PDE4D: variants seen among roughly 807,000 people sequenced by gnomAD.
PDE4D encodes the protein phosphodiesterase 4D, also known as 3',5'-cyclic-AMP phosphodiesterase 4D.
Under a neutral mutation model 87.4 loss-of-function variants are expected in PDE4D, and 24 were observed. The observed-to-expected ratio is 0.27, with a 90% CI of 0.20 to 0.39. The LOEUF (loss-of-function observed/expected upper bound fraction) is 0.39. Among genes scored for constraint, PDE4D ranks in the 10% least tolerant of loss-of-function variants. PDE4D has a pLI of 1.00. For missense variants in PDE4D, 714 were observed against 1,041.0 expected, an observed-to-expected ratio of 0.69 and a Z score of 4.32; for synonymous variants, 384 against 383.2, an observed-to-expected ratio of 1.00 and a Z score of -0.02.
intron 1 of PDE4D, among the ~76,000 whole-genome samples, chr5:60,230,591 A>G (rs974272875): frequency 2.6e-5 from 4 of 152,152 alleles, no homozygotes; most frequent in African/African-American, 7.2e-5. Context: ...TGAGGTTGAC[A>G]TAACACTTTT....
At chr5:60,335,169 G>A (rs753774589) in intron 1 of PDE4D, 1 of 152,228 alleles carries the variant, frequency 6.6e-6, no homozygotes, top group Non-Finnish European at 1.5e-5. Context: ...AGTTAAAGTG[G>A]GGAGGACAGA....
intron 1 of PDE4D, among the ~76,000 whole-genome samples, chr5:60,510,447 A>G (rs1750520660): frequency 6.6e-6 from 1 of 152,246 alleles, no homozygotes; most frequent in East Asian, 1.9e-4. Context: ...TAGGGAGACT[A>G]TAGATAAGAT....
At chr5:59,130,529 A>G (rs1487093274) in intron 5 of PDE4D, among the ~76,000 whole-genome samples, 1 of 152,252 alleles carries the variant, frequency 6.6e-6, no homozygotes, top group Non-Finnish European at 1.5e-5. Context: ...TAAAATAATA[A>G]TAGCATTTTA....
At chr5:59,041,940 A>T (rs1376191938) in intron 5 of PDE4D, among the ~76,000 whole-genome samples, 1 of 152,228 alleles carries the variant, frequency 6.6e-6, no homozygotes, top group Non-Finnish European at 1.5e-5. Context: ...CAGGAGGAAC[A>T]ATTTACTTCA....
intron 2 of PDE4D, among the ~76,000 whole-genome samples, chr5:60,152,134 G>A (rs1313048942): frequency 6.6e-6 from 1 of 152,088 alleles, no homozygotes; most frequent in Non-Finnish European, 1.5e-5. Flanking sequence ...AGTATTTTTA[G>A]TACGCTGTTG....
chr5:60,316,709 T>C (rs1755639490), intron 1 of PDE4D, among the ~76,000 whole-genome samples: 1 of 152,214 alleles, frequency 6.6e-6, no homozygotes, highest in Non-Finnish European at 1.5e-5. Flanking sequence ...GGCTGTTGAA[T>C]TTTGTCAAAG....
At chr5:59,025,716 A>C (rs909019789) in intron 6 of PDE4D, among the ~76,000 whole-genome samples, 1 of 152,272 alleles carries the variant, frequency 6.6e-6, no homozygotes. Flanking sequence ...TGTTTATACA[A>C]AAAGCAGCTT....
chr5:59,252,698 A>G lies in PDE4D; in HGVS notation c.456-36730T>C, dbSNP rs114067611. The stretch of plus-strand genomic sequence containing the variant: ...AACCACGCCTGGAGAATTTTTAAAA[A>G]TATTTTTTTGTAGAGACAGGGTCTT... On this transcript the variant is annotated intron_variant, in intron 1 of 14. Transcript: ENST00000340635. Among the ~76,000 whole-genome samples the G allele has an allele frequency of 1.7e-3, 264 of 151,956 alleles. 2 individuals carry two copies. The highest frequency in any genetic ancestry group is 5.9e-3 in the African/African-American group (244 of 41,436).
In PDE4D at chr5:59,363,429, C is replaced by T. The variant is rs1359212143; in HGVS notation, c.456-147461G>A. 1.3e-5 allele frequency among the ~76,000 whole-genome samples: 2 copies of T among 152,150 alleles called. 1 individual carries two copies. Among genetic ancestry groups the T allele is most frequent in the South Asian group, 4.2e-4 (2 of 4,818 alleles). ...CAGATCTGAGGTTAAAATTGAGGTCCCTCTTAATTGCAAAATGTATATCTT... is the reference window on the plus strand; with the variant it reads ...CAGATCTGAGGTTAAAATTGAGGTCTCTCTTAATTGCAAAATGTATATCTT... On this transcript the variant is annotated intron_variant, in intron 1 of 14. Coordinates refer to ENST00000340635, the MANE Select transcript of PDE4D (RefSeq NM_001104631.2).
At chr5:59,856,610 C>T (rs916136046) in intron 1 of PDE4D, among the ~76,000 whole-genome samples, 1 of 152,146 alleles carries the variant, frequency 6.6e-6, no homozygotes, top group African/African-American at 2.4e-5. Context: ...GAGACCTTTT[C>T]CTCTCATCAC....
At chr5:60,053,553 A>G (rs1403426777) in intron 2 of PDE4D, among the ~76,000 whole-genome samples, 1 of 152,210 alleles carries the variant, frequency 6.6e-6, no homozygotes, top group Non-Finnish European at 1.5e-5. Context: ...AGATGGATTA[A>G]AGACTTAAAC....
rs1453302859 is a variant in PDE4D at position 59,655,994 on chromosome 5, T to C, written c.455+237174A>G. ...CAGTCTCTACTGTCACCTTGCCTTTTTACTTCCCCCCTCCTCCTACACACA... is the reference window on the plus strand; with the variant it reads ...CAGTCTCTACTGTCACCTTGCCTTTCTACTTCCCCCCTCCTCCTACACACA... On this transcript the variant is annotated intron_variant, in intron 1 of 14. Coordinates refer to ENST00000340635, the MANE Select transcript of PDE4D (RefSeq NM_001104631.2). Among the ~76,000 whole-genome samples, 3 of 151,986 alleles carry C rather than the reference T, an allele frequency of 2.0e-5. No individual in the cohort carries two copies. The South Asian group carries it at 6.2e-4, about 32-fold the overall frequency.
chr5:60,410,052 C>T (rs1304531113), intron 1 of PDE4D, among the ~76,000 whole-genome samples: 1 of 152,180 alleles, frequency 6.6e-6, no homozygotes, highest in Non-Finnish European at 1.5e-5. Context: ...GGGAGTTAGG[C>T]AGAGGGAGGC....
At chr5:59,943,160 C>G (rs1757358788) in intron 3 of PDE4D, among the ~76,000 whole-genome samples, 1 of 151,640 alleles carries the variant, frequency 6.6e-6, no homozygotes. Flanking sequence ...GTTAAAGGTA[C>G]AGAAGAGAAA....
chr5:59,491,301 T>C (rs928280218), intron 1 of PDE4D, among the ~76,000 whole-genome samples: 4 of 152,212 alleles, frequency 2.6e-5, no homozygotes, highest in Non-Finnish European at 5.9e-5. Context: ...AGATACCATA[T>C]ATAAAGCAGA....
intron 1 of PDE4D, among the ~76,000 whole-genome samples, chr5:60,225,373 T>C (rs1187726018): frequency 6.6e-6 from 1 of 151,914 alleles, no homozygotes; most frequent in African/African-American, 2.4e-5. Flanking sequence ...TTTAGTCTAA[T>C]AAAATCTCCC....
At chr5:59,217,579 T>C (rs1751538797) in intron 1 of PDE4D, among the ~76,000 whole-genome samples, 1 of 152,172 alleles carries the variant, frequency 6.6e-6, no homozygotes, top group South Asian at 2.1e-4. Context: ...TTTATAGATA[T>C]ATTTATTTGG....
chr5:59,594,854 T>C (rs1487351549), intron 1 of PDE4D, among the ~76,000 whole-genome samples: 1 of 151,896 alleles, frequency 6.6e-6, no homozygotes, highest in Non-Finnish European at 1.5e-5. Flanking sequence ...ATACTAAGAG[T>C]AAATTCTAAT....
chr5:60,031,423 G>C (rs1350483786), intron 2 of PDE4D, among the ~76,000 whole-genome samples: 2 of 152,162 alleles, frequency 1.3e-5, no homozygotes, highest in Admixed American at 1.3e-4. Context: ...CAAAAGCCAA[G>C]CACACACAAG....
Sources: allele counts gnomAD v4.1 joint callset (sites outside exome capture counted in the v4.1 genomes callset), GRCh38; gene constraint gnomAD v4.1.1; transcripts MANE v1.5; gene names NCBI Gene and HGNC (gene_info 2026-07-23, HGNC 2026-07-21).